TUSC3: variants seen among roughly 807,000 people sequenced by gnomAD.
The protein encoded by TUSC3 is dolichyl-diphosphooligosaccharide--protein glycosyltransferase subunit TUSC3.
Under a neutral mutation model 44.8 loss-of-function variants are expected in TUSC3, and 45 were observed. The observed-to-expected ratio is 1.00, with a 90% CI of 0.79 to 1.29. The LOEUF (loss-of-function observed/expected upper bound fraction) is 1.29. Among genes scored for constraint, TUSC3 ranks in the 50% most tolerant of loss-of-function variants. TUSC3 has a pLI of 0.00. For missense variants in TUSC3, 519 were observed against 437.9 expected, an observed-to-expected ratio of 1.19 and a Z score of -1.65; for synonymous variants, 212 against 152.9, an observed-to-expected ratio of 1.39 and a Z score of -2.85.
chr8:15,597,578 C>G (rs1252700238), intron 1 of TUSC3, among the ~76,000 whole-genome samples: 1 of 151,932 alleles, frequency 6.6e-6, no homozygotes, highest in African/African-American at 2.4e-5. Flanking sequence ...TGAATAACAT[C>G]TAAAATACTA....
chr8:15,743,445 G>T, intron 7 of TUSC3, 93 bp from the exon 8 acceptor site: 1 of 1,284,332 alleles, frequency 7.8e-7, no homozygotes, highest in Non-Finnish European at 1.1e-6. Flanking sequence ...TGCATTTGTA[G>T]TTTAACCATT....
At chr8:15,532,079 C>G (rs1441733730) in intron 2 of TUSC3, among the ~76,000 whole-genome samples, 2 of 152,068 alleles carry the variant, frequency 1.3e-5, no homozygotes, top group African/African-American at 2.4e-5. Context: ...GTATATATGT[C>G]AAATGCACCT....
chr8:15,424,782 A>G (rs1799783433), intron 1 of TUSC3, among the ~76,000 whole-genome samples: 1 of 151,970 alleles, frequency 6.6e-6, no homozygotes. Flanking sequence ...TGGGAGGCTG[A>G]GGGAGAAGAA....
intron 1 of TUSC3, among the ~76,000 whole-genome samples, chr8:15,466,240 C>A (rs777178800): frequency 6.6e-6 from 1 of 152,166 alleles, no homozygotes; most frequent in African/African-American, 2.4e-5. Context: ...TTCTTTGGAA[C>A]AATTTCAATA....
chr8:15,607,645 T>C (rs1804589470), intron 1 of TUSC3, among the ~76,000 whole-genome samples: 1 of 152,124 alleles, frequency 6.6e-6, no homozygotes, highest in South Asian at 2.1e-4. Flanking sequence ...AATTAACAAT[T>C]GACTGTGCTT....
At chr8:15,627,050 G>A (rs770102516) in intron 2 of TUSC3, among the ~76,000 whole-genome samples, 3 of 152,166 alleles carry the variant, frequency 2.0e-5, no homozygotes, top group Non-Finnish European at 2.9e-5. Flanking sequence ...TCTCACCCAT[G>A]CACCAGTCAG....
intron 6 of TUSC3, among the ~76,000 whole-genome samples, chr8:15,702,379 A>G (rs1187642523): frequency 6.6e-6 from 1 of 152,152 alleles, no homozygotes; most frequent in Non-Finnish European, 1.5e-5. Context: ...AGAATGCTTT[A>G]TTTGTTGAGA....
chr8:15,588,598 G>T (rs1171557924), intron 1 of TUSC3, among the ~76,000 whole-genome samples: 2 of 152,072 alleles, frequency 1.3e-5, no homozygotes, highest in Non-Finnish European at 2.9e-5. Flanking sequence ...TGTTGTCTGT[G>T]CTTTTGAAGT....
intron 9 of TUSC3, among the ~76,000 whole-genome samples, chr8:15,753,835 A>C (rs2129221215): frequency 6.6e-6 from 1 of 152,224 alleles, no homozygotes; most frequent in East Asian, 1.9e-4. Flanking sequence ...GCAAATATAT[A>C]TCTATTCAAT....
intron 1 of TUSC3, among the ~76,000 whole-genome samples, chr8:15,577,309 G>C (rs1156360093): frequency 6.6e-6 from 1 of 151,320 alleles, no homozygotes; most frequent in Non-Finnish European, 1.5e-5. Context: ...AGAAGCTCTT[G>C]AGTTTAATGA....
intron 1 of TUSC3, among the ~76,000 whole-genome samples, chr8:15,616,195 A>G (rs1002261592): frequency 6.6e-5 from 10 of 152,244 alleles, no homozygotes; most frequent in Non-Finnish European, 1.3e-4. Flanking sequence ...CTTTTTTTCA[A>G]TAGGGACTAA....
chr8:15,831,453 T>C, the TUSC3 span, among the ~76,000 whole-genome samples: 9 of 151,978 alleles, frequency 5.9e-5, no homozygotes, highest in Non-Finnish European at 8.8e-5. Context: ...TCGGCTGAGA[T>C]GGGTGAAATG....
chr8:15,438,491 C>T lies in TUSC3; in HGVS notation n.91+21186C>T, dbSNP rs143550548. On this transcript the variant is annotated intron_variant and non_coding_transcript_variant, in intron 1 of 5. Coordinates refer to the TUSC3 transcript ENST00000503191. Reference sequence around the variant, plus strand: ...TTAATAATTGGAGGTGTTATTGTTTCTGCTGAGAATTTCAGAAACTTGAGG... The same window carrying T: ...TTAATAATTGGAGGTGTTATTGTTTTTGCTGAGAATTTCAGAAACTTGAGG... 5.3e-3 allele frequency among the ~76,000 whole-genome samples: 813 copies of T among 152,294 alleles called. 6 individuals are homozygous for T. The highest frequency in any genetic ancestry group is 9.2e-3 in the Non-Finnish European group (629 of 68,030).
At chr8:15,436,057 A>G (rs529035131) in intron 1 of TUSC3, among the ~76,000 whole-genome samples, 1 of 152,206 alleles carries the variant, frequency 6.6e-6, no homozygotes, top group South Asian at 2.1e-4. Flanking sequence ...ACCCTTTTTC[A>G]AGATCGCTCA....
At chr8:15,467,559 A>C (rs1466708020) in intron 1 of TUSC3, among the ~76,000 whole-genome samples, 1 of 152,178 alleles carries the variant, frequency 6.6e-6, no homozygotes, top group African/African-American at 2.4e-5. Context: ...TTGGGAGATG[A>C]CAATAATATT....
chr8:15,567,278 C>G (rs11994474), intron 1 of TUSC3, among the ~76,000 whole-genome samples: 1 of 151,992 alleles, frequency 6.6e-6, no homozygotes, highest in South Asian at 2.1e-4. Flanking sequence ...TTTCAATTAA[C>G]AAAAAGTTCT....
At chr8:15,826,998 G>A in the TUSC3 span, among the ~76,000 whole-genome samples, 1 of 152,266 alleles carries the variant, frequency 6.6e-6, no homozygotes, top group South Asian at 2.1e-4. Flanking sequence ...TCAGAGTTCT[G>A]TTATAATATA....
intron 1 of TUSC3, among the ~76,000 whole-genome samples, chr8:15,562,695 G>C (rs1042718668): frequency 5.3e-5 from 8 of 152,080 alleles, no homozygotes; most frequent in African/African-American, 1.9e-4. Context: ...GGAGTTTCTT[G>C]TTTTCTTCCT....
chr8:15,511,375 AT>A (rs1357795075), intron 2 of TUSC3, among the ~76,000 whole-genome samples: 1 of 152,222 alleles, frequency 6.6e-6, no homozygotes, highest in African/African-American at 2.4e-5. Flanking sequence ...ATGCATATAA[AT>A]AGAAAATGTG....
Sources: allele counts gnomAD v4.1 joint callset (sites outside exome capture counted in the v4.1 genomes callset), GRCh38; gene constraint gnomAD v4.1.1; transcripts MANE v1.5; gene names NCBI Gene and HGNC (gene_info 2026-07-23, HGNC 2026-07-21).